Variants in LRBA observed in about 807,000 individuals in gnomAD.
LRBA encodes the protein lipopolysaccharide-responsive and beige-like anchor protein.
A neutral mutation model predicts 330.0 loss-of-function variants in LRBA; 176 were observed. The ratio of observed to expected loss-of-function variants is 0.53; its 90% CI spans 0.47 to 0.60. LRBA has a LOEUF of 0.60. Ranked by LOEUF, LRBA falls within the 20% of genes least tolerant of loss-of-function variation. The pLI, the probability that LRBA is intolerant of heterozygous loss-of-function variation, is 0.00. For synonymous variants in LRBA, 1,230 were observed against 1,193.0 expected (o/e 1.03, Z -0.64); for missense variants, 3,259 against 3,444.8 (o/e 0.95, Z 1.35).
At chr4:150,879,097 T>G (rs991590669) in intron 17 of LRBA, among the ~76,000 whole-genome samples, 1 of 152,078 alleles carries the variant, frequency 6.6e-6, no homozygotes, top group Admixed American at 6.6e-5. Flanking sequence ...ATATCCCTGA[T>G]GAACACAGCT....
At chr4:150,854,868 T>A (rs1188420004) in intron 22 of LRBA, among the ~76,000 whole-genome samples, 1 of 152,216 alleles carries the variant, frequency 6.6e-6, no homozygotes, top group African/African-American at 2.4e-5. Flanking sequence ...AGATTATGAT[T>A]GTAGAACATT....
chr4:150,329,835 A>AT (rs1174147430), intron 48 of LRBA, among the ~76,000 whole-genome samples: 1 of 152,170 alleles, frequency 6.6e-6, no homozygotes, highest in Non-Finnish European at 1.5e-5. Flanking sequence ...CATTTTAAAA[A>AT]TTTTACCTGT....
At chr4:150,533,350 T>G (rs543320678) in intron 40 of LRBA, among the ~76,000 whole-genome samples, 1 of 152,198 alleles carries the variant, frequency 6.6e-6, no homozygotes, top group East Asian at 1.9e-4. Flanking sequence ...TTTTTTAATT[T>G]TTTTTAAGAG....
intron 2 of LRBA, among the ~76,000 whole-genome samples, chr4:150,944,040 C>A: frequency 6.6e-6 from 1 of 152,212 alleles, no homozygotes; most frequent in East Asian, 1.9e-4. Flanking sequence ...ACCCTGAAAG[C>A]AAGTCCTCTA....
chr4:150,532,972 T>C (rs1764209222), intron 40 of LRBA, among the ~76,000 whole-genome samples: 1 of 152,192 alleles, frequency 6.6e-6, no homozygotes, highest in Non-Finnish European at 1.5e-5. Flanking sequence ...TCTATCTATT[T>C]ATAAATGGAC....
At chr4:150,419,059 T>C (rs1008844359) in intron 46 of LRBA, among the ~76,000 whole-genome samples, 4 of 152,126 alleles carry the variant, frequency 2.6e-5, no homozygotes, top group African/African-American at 9.7e-5. Context: ...TATATGCCCA[T>C]ACAGTGCCTC....
intron 35 of LRBA, among the ~76,000 whole-genome samples, chr4:150,756,071 C>CTA (rs1734254234): frequency 1.3e-5 from 2 of 150,620 alleles, no homozygotes; most frequent in Non-Finnish European, 3.0e-5. Flanking sequence ...ACAGAAAACT[C>CTA]TGATAGAGGA....
intron 37 of LRBA, among the ~76,000 whole-genome samples, chr4:150,654,021 TAAAGTTA>T (rs1779947253): frequency 6.6e-6 from 1 of 152,234 alleles, no homozygotes; most frequent in Non-Finnish European, 1.5e-5. Flanking sequence ...TACTGAGTTC[TAAAGTTA>T]CCTGAAATAA....
chr4:150,544,740 C>T (rs930472642), intron 40 of LRBA, among the ~76,000 whole-genome samples: 10 of 152,188 alleles, frequency 6.6e-5, no homozygotes, highest in Admixed American at 6.5e-4. Context: ...GCCTGACCCT[C>T]ACACCCTCAT....
intron 36 of LRBA, among the ~76,000 whole-genome samples, chr4:150,723,224 T>A (rs137991830): frequency 6.6e-6 from 1 of 152,166 alleles, no homozygotes; most frequent in Non-Finnish European, 1.5e-5. Context: ...CCAGCTTGCG[T>A]GGCTAAGGAA....
intron 37 of LRBA, among the ~76,000 whole-genome samples, chr4:150,606,536 A>G (rs1774648398): frequency 6.6e-6 from 1 of 152,180 alleles, no homozygotes; most frequent in East Asian, 1.9e-4. Flanking sequence ...TATAAAAAAA[A>G]TAAGTTAAAA....
At chr4:150,474,765 C>A (rs1023215137) in intron 42 of LRBA, among the ~76,000 whole-genome samples, 1 of 152,112 alleles carries the variant, frequency 6.6e-6, no homozygotes, top group Non-Finnish European at 1.5e-5. Flanking sequence ...TCTTTAATTT[C>A]TCCCTTCCTT....
At chr4:150,521,855 T>G (rs148249803) in intron 40 of LRBA, among the ~76,000 whole-genome samples, 75 of 152,280 alleles carry the variant, frequency 4.9e-4, no homozygotes, top group African/African-American at 1.5e-3. Flanking sequence ...TAGGTTAAAT[T>G]TGTTGATAGT....
At chr4:150,846,957 T>C in intron 26 of LRBA, among the ~76,000 whole-genome samples, 1 of 152,172 alleles carries the variant, frequency 6.6e-6, no homozygotes, top group Middle Eastern at 3.2e-3. Flanking sequence ...GCTTTGCTAG[T>C]ATAGCCTTGC....
At chr4:150,949,846 C>A (rs1388799241) in intron 2 of LRBA, among the ~76,000 whole-genome samples, 2 of 151,116 alleles carry the variant, frequency 1.3e-5, no homozygotes, top group Non-Finnish European at 3.0e-5. Context: ...CCTACTCCAG[C>A]CAAAAAAAAA....
rs112783956 is a variant in LRBA, at chr4:150,446,307, T to C, written c.6781-9443A>G. The stretch of plus-strand genomic sequence containing the variant: ...TCAAACAAGGAGATAAAATATTGTT[T>C]GGCAAATGTAAATGAGCCTATGTGG... On this transcript the variant is annotated intron_variant, in intron 44 of 56. Coordinates refer to ENST00000651943, the MANE Select transcript of LRBA (RefSeq NM_001364905.1). Among the ~76,000 whole-genome samples, 644 of 152,336 alleles carry C rather than the reference T, an allele frequency of 4.2e-3. 1 individual carries two copies. Among genetic ancestry groups the C allele is most frequent in the Non-Finnish European group, 7.5e-3 (511 of 68,024 alleles).
chr4:150,854,712 GC>G (rs1751022809), intron 22 of LRBA, among the ~76,000 whole-genome samples: 1 of 152,122 alleles, frequency 6.6e-6, no homozygotes, highest in Non-Finnish European at 1.5e-5. Context: ...GAGAGAGCAA[GC>G]CATGTAAAAA....
At chr4:150,690,101 T>G (rs1783983992) in intron 36 of LRBA, among the ~76,000 whole-genome samples, 2 of 152,058 alleles carry the variant, frequency 1.3e-5, no homozygotes, top group East Asian at 3.8e-4. Context: ...AGTTTATAGA[T>G]TTAAAGATTC....
intron 31 of LRBA, among the ~76,000 whole-genome samples, chr4:150,814,851 T>C (rs569918152): frequency 6.6e-6 from 1 of 152,156 alleles, no homozygotes; most frequent in Non-Finnish European, 1.5e-5. Context: ...TGTTTTATAA[T>C]TCTGCATACA....
Sources: gnomAD v4.1 joint callset for allele counts (sites outside exome capture counted in the v4.1 genomes callset) on GRCh38, gnomAD v4.1.1 for gene constraint, MANE v1.5 for transcripts, NCBI Gene and HGNC (gene_info 2026-07-23, HGNC 2026-07-21) for gene names.